The following FLACC1 variants were observed in gnomAD, a reference collection of about 807,000 sequenced individuals.
FLACC1 encodes the protein flagellum-associated coiled-coil domain-containing protein 1.
FLACC1 carries 66 observed loss-of-function variants against 62.8 expected under a neutral mutation model. That is an observed-to-expected ratio of 1.05 (90% CI 0.86 to 1.29). The LOEUF is 1.29. Ranked by LOEUF, FLACC1 falls within the 50% of genes most tolerant of loss-of-function variation. The probability of loss-of-function intolerance (pLI) is 0.00; values close to 1 mark genes in which losing one functional copy is unlikely to be tolerated. For missense variants in FLACC1, 452 were observed against 489.1 expected (o/e 0.92, Z 0.71); for synonymous variants, 156 against 161.0 (o/e 0.97, Z 0.24).
At chr2:201,343,464 C>T (rs138671844) in intron 6 of FLACC1, among the ~76,000 whole-genome samples, 35 of 152,262 alleles carry the variant, frequency 2.3e-4, no homozygotes, top group Non-Finnish European at 4.0e-4. Flanking sequence ...GGATAGGACC[C>T]AGCCTGAGTC....
At chr2:201,320,228 A>G (rs1317791424) in intron 9 of FLACC1, among the ~76,000 whole-genome samples, 2 of 152,240 alleles carry the variant, frequency 1.3e-5, no homozygotes, top group Non-Finnish European at 2.9e-5. Context: ...AGGTTGAAAG[A>G]AGCCTCCAAC....
At chr2:201,338,402 T>C (rs1950738325) in intron 7 of FLACC1, among the ~76,000 whole-genome samples, 1 of 152,164 alleles carries the variant, frequency 6.6e-6, no homozygotes, top group African/African-American at 2.4e-5. Flanking sequence ...TTTTTTCTTT[T>C]GCGGGATTGC....
chr2:201,294,842 A>G lies in FLACC1; in HGVS notation c.942+4396T>C, dbSNP rs1185596806. 2.0e-5 allele frequency among the ~76,000 whole-genome samples: 3 copies of G among 152,336 alleles called. No homozygotes were observed. The East Asian group carries it at 5.8e-4, about 29-fold the overall frequency. ...AGCAAAGTCTCAGGATACAAAATCA[A>G]TGTGCAAAAATCACAAGCATTCCTA... On this transcript the variant is annotated intron_variant, in intron 12 of 14. Coordinates refer to ENST00000392257, the MANE Select transcript of FLACC1 (RefSeq NM_001127391.3).
chr2:201,307,161 C>A (rs565176156), intron 11 of FLACC1, among the ~76,000 whole-genome samples: 5 of 152,050 alleles, frequency 3.3e-5, no homozygotes, highest in African/African-American at 1.2e-4. Flanking sequence ...GCCCTAGCGC[C>A]CAGTAATAGC....
At chr2:201,345,316 G>A (rs1037956429) in intron 5 of FLACC1, among the ~76,000 whole-genome samples, 1 of 152,210 alleles carries the variant, frequency 6.6e-6, no homozygotes, top group African/African-American at 2.4e-5. Context: ...TCAGATCAGG[G>A]AGACTCCATG....
chr2:201,350,871 T>C, intron 2 of FLACC1, 89 bp from the exon 3 acceptor site: 1 of 1,122,396 alleles, frequency 8.9e-7, no homozygotes, highest in Non-Finnish European at 1.3e-6. Flanking sequence ...ATCCCTATAG[T>C]GACCCAAAAT....
intron 9 of FLACC1, among the ~76,000 whole-genome samples, chr2:201,311,897 C>G (rs1950224215): frequency 6.6e-6 from 1 of 152,084 alleles, no homozygotes; most frequent in Non-Finnish European, 1.5e-5. Flanking sequence ...GATAAAAACT[C>G]TCAGCAAATT....
intron 9 of FLACC1, among the ~76,000 whole-genome samples, chr2:201,323,338 A>C (rs1412401628): frequency 6.6e-6 from 1 of 152,208 alleles, no homozygotes; most frequent in Non-Finnish European, 1.5e-5. Flanking sequence ...AAGAGCAGTA[A>C]GACAAAAGCA....
chr2:201,306,122 G>T (rs971177931), intron 11 of FLACC1, among the ~76,000 whole-genome samples: 2 of 151,804 alleles, frequency 1.3e-5, no homozygotes, highest in Admixed American at 6.6e-5. Context: ...AAAGAAAAGA[G>T]GTTTAATTGG....
intron 9 of FLACC1, among the ~76,000 whole-genome samples, chr2:201,310,607 G>A (rs1410735385): frequency 1.3e-5 from 2 of 152,188 alleles, no homozygotes; most frequent in Non-Finnish European, 2.9e-5. Flanking sequence ...CATCAAATGA[G>A]CTGATTAAAT....
In FLACC1 at chr2:201,346,407, G is replaced by T; in HGVS notation, c.368+135C>A. On this transcript the variant is annotated intron_variant, in intron 5 of 14. Transcript: ENST00000392257. The surrounding 1 kb of genome is among the most constrained non-coding windows in gnomAD (Gnocchi z 4.0). ...ATCAGGAAGCAGGGGCGAGGAGGGA[G>T]GTGCCCTTGCGGCCCCTCCAGAGCA... is the stretch of plus-strand genomic sequence containing the variant. 2 of 1,249,450 alleles carry T rather than the reference G, an allele frequency of 1.6e-6. No individual in the cohort carries two copies. Among genetic ancestry groups the T allele is most frequent in the Non-Finnish European group, 2.2e-6 (2 of 901,418 alleles). The allele number at this position is 1,249,450 out of a possible 1,614,324, so 77.4% of individuals were successfully genotyped here.
intron 7 of FLACC1, among the ~76,000 whole-genome samples, chr2:201,332,384 G>A (rs1950612197): frequency 6.6e-6 from 1 of 151,938 alleles, no homozygotes. Context: ...GAGTAGCTGG[G>A]ATTACAAGCA....
chr2:201,301,922 G>C (rs1949993590), intron 11 of FLACC1, among the ~76,000 whole-genome samples: 1 of 152,146 alleles, frequency 6.6e-6, no homozygotes, highest in African/African-American at 2.4e-5. Flanking sequence ...TCTTTCAAGA[G>C]CTCCTGAAGG....
chr2:201,305,937 G>C (rs1036446787), intron 11 of FLACC1, among the ~76,000 whole-genome samples: 1 of 146,620 alleles, frequency 6.8e-6, no homozygotes, highest in East Asian at 2.2e-4. Flanking sequence ...CCAGTTGTGG[G>C]GTGGGGGGAG....
At chr2:201,335,982 A>T (rs888949939) in intron 7 of FLACC1, among the ~76,000 whole-genome samples, 3 of 152,178 alleles carry the variant, frequency 2.0e-5, no homozygotes, top group Non-Finnish European at 2.9e-5. Context: ...GTATATAGAA[A>T]TACTACTAAT....
intron 11 of FLACC1, among the ~76,000 whole-genome samples, chr2:201,304,845 T>C (rs1950068009): frequency 6.6e-6 from 1 of 152,222 alleles, no homozygotes; most frequent in Admixed American, 6.5e-5. Context: ...GTACTCCCTA[T>C]TTAATAAATG....
chr2:201,345,446 A>G (rs551938647), intron 5 of FLACC1, among the ~76,000 whole-genome samples: 1 of 140,336 alleles, frequency 7.1e-6, no homozygotes, highest in Admixed American at 6.9e-5. Context: ...AGATAGGTAG[A>G]TGATTGTGTG....
chr2:201,307,559 G>T lies in FLACC1; in HGVS notation c.839C>A (p.Ser280Tyr), dbSNP rs774301874. ...GAAGTTCTCAAAGACAGCACTGCAG[G>T]ATTCATTTATTTTCTTATCTTCTTC... is the stretch of plus-strand genomic sequence containing the variant. ...SGEEDKKINE[S>Y]CSAVFENFIQ... The change falls in exon 11 of 15, where the codon TCC (serine) becomes TAC (tyrosine). Residue 280 changes from serine (S) to tyrosine (Y), a missense_variant. Ser to Tyr is a moderately radical substitution (Grantham distance 144, BLOSUM62 -2). This residue lies in a region of FLACC1 where 301 missense variants were observed against 318.4 expected (regional missense o/e 0.95). Transcript: ENST00000392257. 5.0e-6 allele frequency: 8 copies of T among 1,614,176 alleles called. No homozygotes were observed. The highest frequency in any genetic ancestry group is 1.6e-4 in the Middle Eastern group (1 of 6,062).
intron 7 of FLACC1, among the ~76,000 whole-genome samples, chr2:201,340,389 G>A (rs767769188): frequency 1.3e-5 from 2 of 151,896 alleles, no homozygotes; most frequent in Admixed American, 6.5e-5. Flanking sequence ...TTTGTGTTGT[G>A]CTACTGCTAA....
Sources: allele counts gnomAD v4.1 joint callset (sites outside exome capture counted in the v4.1 genomes callset), GRCh38; gene constraint gnomAD v4.1.1; regional missense constraint gnomAD v4.1.1; non-coding constraint Gnocchi (gnomAD v3.1); transcripts MANE v1.5; gene names NCBI Gene and HGNC (gene_info 2026-07-23, HGNC 2026-07-21).